CACNA2D3: variants seen among roughly 807,000 people sequenced by gnomAD.
The protein encoded by CACNA2D3 is voltage-dependent calcium channel subunit alpha-2/delta-3.
A neutral mutation model predicts 160.6 loss-of-function variants in CACNA2D3; 60 were observed. The observed-to-expected ratio is 0.37, with a 90% CI of 0.30 to 0.46. The LOEUF is 0.46. Among genes scored for constraint, CACNA2D3 ranks in the 20% least tolerant of loss-of-function variants. The probability of loss-of-function intolerance (pLI) is 1.00; values close to 1 mark genes in which losing one functional copy is unlikely to be tolerated. For missense variants in CACNA2D3, 1,205 were observed against 1,365.0 expected (o/e 0.88, Z 1.85); for synonymous variants, 558 against 492.9 (o/e 1.13, Z -1.75).
At chr3:54,213,503 A>G (rs1017744961) in intron 2 of CACNA2D3, among the ~76,000 whole-genome samples, 9 of 152,174 alleles carry the variant, frequency 5.9e-5, no homozygotes, top group African/African-American at 1.9e-4. Flanking sequence ...CTCCATCAGT[A>G]TCTGTCTGGG....
chr3:54,319,197 C>CAT, intron 2 of CACNA2D3, among the ~76,000 whole-genome samples: 1 of 147,246 alleles, frequency 6.8e-6, no homozygotes, highest in South Asian at 2.2e-4. Flanking sequence ...CACACACACA[C>CAT]ACACCCTTCC....
At chr3:54,974,774 G>T (rs573896866) in intron 29 of CACNA2D3, among the ~76,000 whole-genome samples, 1 of 152,264 alleles carries the variant, frequency 6.6e-6, no homozygotes, top group South Asian at 2.1e-4. Flanking sequence ...TGTGGAGTAG[G>T]TGCTTACAAG....
At position 54,122,668 on chromosome 3, in the gene CACNA2D3, G is replaced by A. The variant is rs927768570; in HGVS notation, c.-46G>A. ...CGCCCGCTCCGCGCAGCTCCCCGCG[G>A]CCGCTCTCGTCGCCGCCGCAGCGGG... On this transcript the variant is annotated 5_prime_UTR_variant, in exon 1 of 38. Transcript: ENST00000474759. The A allele has an allele frequency of 1.9e-6, 2 of 1,031,658 alleles. No individual in the cohort carries two copies. The highest frequency in any genetic ancestry group is 3.5e-5 in the African/African-American group (2 of 57,660). 63.9% of individuals were successfully genotyped at this position (1,031,658 alleles called of 1,614,324 possible).
At chr3:54,705,566 T>C (rs1340622147) in intron 11 of CACNA2D3, among the ~76,000 whole-genome samples, 1 of 152,224 alleles carries the variant, frequency 6.6e-6, no homozygotes, top group East Asian at 1.9e-4. Context: ...GGGTTATAGA[T>C]AACACATTGA....
At chr3:54,778,481 A>G (rs1291278007) in intron 13 of CACNA2D3, among the ~76,000 whole-genome samples, 1 of 151,704 alleles carries the variant, frequency 6.6e-6, no homozygotes, top group Non-Finnish European at 1.5e-5. Flanking sequence ...CTTTGGTCTC[A>G]GTTTCATCAT....
At chr3:54,792,753 T>C (rs1341416417) in intron 13 of CACNA2D3, among the ~76,000 whole-genome samples, 2 of 152,126 alleles carry the variant, frequency 1.3e-5, no homozygotes, top group Non-Finnish European at 2.9e-5. Flanking sequence ...CCTGCTTATC[T>C]CTAACTGAAC....
chr3:54,973,682 A>G (rs1702324208), intron 29 of CACNA2D3, among the ~76,000 whole-genome samples: 1 of 152,116 alleles, frequency 6.6e-6, no homozygotes, highest in South Asian at 2.1e-4. Context: ...AGGTTTGAGG[A>G]CGATTTGAAT....
chr3:54,304,178 A>G (rs1284481281), intron 2 of CACNA2D3, among the ~76,000 whole-genome samples: 2 of 152,168 alleles, frequency 1.3e-5, no homozygotes, highest in Non-Finnish European at 2.9e-5. Flanking sequence ...TGTGAAAGCC[A>G]AGATTGTCTG....
chr3:54,797,491 A>T (rs1445064660), intron 13 of CACNA2D3, among the ~76,000 whole-genome samples: 3 of 152,188 alleles, frequency 2.0e-5, no homozygotes, highest in African/African-American at 7.2e-5. Context: ...TCAGCCATAA[A>T]AATCTGAGGA....
intron 11 of CACNA2D3, among the ~76,000 whole-genome samples, chr3:54,665,416 G>A (rs1700046187): frequency 6.6e-6 from 1 of 152,168 alleles, no homozygotes; most frequent in African/African-American, 2.4e-5. Flanking sequence ...AGTCCTCCAG[G>A]GTTCGCCTTC....
intron 11 of CACNA2D3, among the ~76,000 whole-genome samples, chr3:54,645,299 C>T (rs1454852092): frequency 6.6e-6 from 1 of 152,224 alleles, no homozygotes; most frequent in Non-Finnish European, 1.5e-5. Context: ...ATCCAATCAC[C>T]TCCCACCAGG....
intron 16 of CACNA2D3, among the ~76,000 whole-genome samples, chr3:54,844,681 C>G (rs2106771424): frequency 6.6e-6 from 1 of 152,146 alleles, no homozygotes; most frequent in Middle Eastern, 3.4e-3. Context: ...ATCAAAAGTC[C>G]TGATTACTTA....
At chr3:54,536,822 C>G (rs1247881327) in intron 5 of CACNA2D3, among the ~76,000 whole-genome samples, 1 of 152,216 alleles carries the variant, frequency 6.6e-6, no homozygotes, top group Non-Finnish European at 1.5e-5. Context: ...TATTCTCTTG[C>G]TATTATTAGA....
chr3:54,711,759 A>T (rs1206485834), intron 11 of CACNA2D3, among the ~76,000 whole-genome samples: 1 of 152,256 alleles, frequency 6.6e-6, no homozygotes, highest in African/African-American at 2.4e-5. Flanking sequence ...TTAGGTAGAC[A>T]GTTGGCAGTA....
intron 2 of CACNA2D3, among the ~76,000 whole-genome samples, chr3:54,229,981 A>G (rs1445224087): frequency 6.6e-6 from 1 of 152,198 alleles, no homozygotes; most frequent in East Asian, 1.9e-4. Context: ...TCTGAATAAC[A>G]CAGGGCAGGA....
At chr3:54,181,671 A>C (rs1024733738) in intron 2 of CACNA2D3, among the ~76,000 whole-genome samples, 3 of 152,138 alleles carry the variant, frequency 2.0e-5, no homozygotes, top group Admixed American at 1.3e-4. Context: ...ATACTTAAAA[A>C]ATTTTTTGAG....
chr3:55,056,886 A>G (rs1704374513), intron 35 of CACNA2D3, among the ~76,000 whole-genome samples: 1 of 152,184 alleles, frequency 6.6e-6, no homozygotes, highest in Admixed American at 6.5e-5. Flanking sequence ...TCTGTTGCAC[A>G]TCATGGTGAA....
chr3:54,207,692 A>G (rs1370013329), intron 2 of CACNA2D3, among the ~76,000 whole-genome samples: 2 of 152,098 alleles, frequency 1.3e-5, no homozygotes, highest in African/African-American at 2.4e-5. Flanking sequence ...ACATTCCACC[A>G]TATGGGGAGT....
chr3:54,832,475 A>G (rs1703902220), intron 14 of CACNA2D3, among the ~76,000 whole-genome samples: 2 of 152,134 alleles, frequency 1.3e-5, no homozygotes, highest in East Asian at 3.9e-4. Context: ...CAAGATGTCT[A>G]CCCCTGCATT....
Sources: gnomAD v4.1 joint callset for allele counts (sites outside exome capture counted in the v4.1 genomes callset) on GRCh38, gnomAD v4.1.1 for gene constraint, MANE v1.5 for transcripts, NCBI Gene and HGNC (gene_info 2026-07-23, HGNC 2026-07-21) for gene names.